Variants in ASTN2 observed in about 807,000 individuals in gnomAD.
ASTN2 encodes the protein astrotactin 2, also known as astrotactin-2.
In ASTN2, 54 loss-of-function variants were observed where a neutral mutation model predicts 139.8. That is an observed-to-expected ratio of 0.39 (90% CI 0.31 to 0.48). The LOEUF (loss-of-function observed/expected upper bound fraction) is 0.48, where lower values mean the gene tolerates loss of function less well. Ranked by LOEUF, ASTN2 falls within the 20% of genes least tolerant of loss-of-function variation. The probability of loss-of-function intolerance (pLI) is 0.95; values close to 1 mark genes in which losing one functional copy is unlikely to be tolerated. For missense variants in ASTN2, 1,565 were observed against 1,725.1 expected (o/e 0.91, Z 1.64); for synonymous variants, 756 against 719.5 (o/e 1.05, Z -0.81).
chr9:117,140,081 G>A (rs903624982), intron 4 of ASTN2, among the ~76,000 whole-genome samples: 4 of 152,192 alleles, frequency 2.6e-5, no homozygotes, highest in Admixed American at 2.6e-4. Flanking sequence ...CACTGTACCT[G>A]CTTCATAGGG....
chr9:116,795,244 C>G (rs934996319), intron 13 of ASTN2, among the ~76,000 whole-genome samples: 5 of 152,204 alleles, frequency 3.3e-5, no homozygotes. Context: ...TCCCAAAGTG[C>G]TGGGATTACA....
chr9:116,989,810 C>T (rs1836796648), intron 7 of ASTN2, among the ~76,000 whole-genome samples: 1 of 152,096 alleles, frequency 6.6e-6, no homozygotes, highest in Non-Finnish European at 1.5e-5. Context: ...TCTCAAACAC[C>T]TGACCTCAGG....
chr9:117,114,180 A>ATTT (rs1829321473), intron 4 of ASTN2, among the ~76,000 whole-genome samples: 1 of 149,892 alleles, frequency 6.7e-6, no homozygotes, highest in Non-Finnish European at 1.5e-5. Context: ...TTTTTTTTTA[A>ATTT]AAAAAAAGTC....
intron 1 of ASTN2, among the ~76,000 whole-genome samples, chr9:117,392,093 A>G (rs889117260): frequency 3.9e-5 from 6 of 152,164 alleles, no homozygotes; most frequent in Non-Finnish European, 7.3e-5. Context: ...TTTGATGTAC[A>G]TGTTTATAAA....
intron 11 of ASTN2, among the ~76,000 whole-genome samples, chr9:116,827,926 GAA>G (rs879474297): frequency 0.12 from 7,828 of 66,000 alleles, 623 homozygotes; most frequent in Middle Eastern, 0.3. Flanking sequence ...ACCATACAAG[GAA>G]ATAACAACAA....
chr9:117,012,371 G>T (rs1204237344), intron 6 of ASTN2, among the ~76,000 whole-genome samples: 1 of 152,154 alleles, frequency 6.6e-6, no homozygotes, highest in African/African-American at 2.4e-5. Context: ...AGTGACAAGG[G>T]TCAAGGGAGG....
chr9:116,842,458 A>G (rs758759475), intron 11 of ASTN2, among the ~76,000 whole-genome samples: 8 of 152,006 alleles, frequency 5.3e-5, no homozygotes, highest in Non-Finnish European at 1.0e-4. Flanking sequence ...TTGATAAGAA[A>G]CTGAGTGGGC....
chr9:117,271,712 G>A (rs1834069764), intron 2 of ASTN2, among the ~76,000 whole-genome samples: 1 of 152,184 alleles, frequency 6.6e-6, no homozygotes, highest in Admixed American at 6.5e-5. Flanking sequence ...CAGGGCCTAT[G>A]CAAGTCTGAA....
intron 1 of ASTN2, among the ~76,000 whole-genome samples, chr9:117,334,807 A>C (rs1828826973): frequency 6.6e-6 from 1 of 152,192 alleles, no homozygotes; most frequent in Admixed American, 6.5e-5. Flanking sequence ...TAATCCTAGC[A>C]CTTTGGGAGG....
intron 4 of ASTN2, among the ~76,000 whole-genome samples, chr9:117,119,346 G>A (rs767134238): frequency 9.9e-5 from 15 of 152,178 alleles, no homozygotes; most frequent in Non-Finnish European, 1.5e-4. Flanking sequence ...TTTCCCAATT[G>A]CTTCTGAGTT....
chr9:117,138,794 G>C (rs1303000927), intron 4 of ASTN2, among the ~76,000 whole-genome samples: 1 of 152,136 alleles, frequency 6.6e-6, no homozygotes, highest in Non-Finnish European at 1.5e-5. Flanking sequence ...ACTTAAAACA[G>C]ACTTTTATTA....
intron 1 of ASTN2, among the ~76,000 whole-genome samples, chr9:117,306,491 G>A (rs961824615): frequency 5.9e-5 from 9 of 152,120 alleles, no homozygotes; most frequent in South Asian, 2.1e-4. Flanking sequence ...TGTTTCACCC[G>A]GGGAACGCAC....
At position 116,890,666 on chromosome 9, in the gene ASTN2, G is replaced by A. The variant is rs571257330; in HGVS notation, c.1890-26933C>T. 3.3e-5 allele frequency among the ~76,000 whole-genome samples: 5 copies of A among 152,288 alleles called. No homozygotes were observed. In the South Asian group the frequency reaches 1.0e-3, roughly 32 times the overall value. ...GTTTTCTTGTTTGAAAGATGAAAAT[G>A]TATTCATGGCACTGCTGATAAGGTC... is the stretch of plus-strand genomic sequence containing the variant. On this transcript the variant is annotated intron_variant, in intron 10 of 22. Transcript: ENST00000313400.
At chr9:116,970,556 C>A (rs542046876) in intron 10 of ASTN2, among the ~76,000 whole-genome samples, 3 of 152,102 alleles carry the variant, frequency 2.0e-5, no homozygotes, top group Non-Finnish European at 4.4e-5. Context: ...AATTTTGACT[C>A]ATTTAAAGCA....
intron 20 of ASTN2, among the ~76,000 whole-genome samples, chr9:116,445,737 A>C (rs1323028957): frequency 6.6e-6 from 1 of 152,230 alleles, no homozygotes; most frequent in African/African-American, 2.4e-5. Context: ...AAATAGGGTG[A>C]AATTATCCAT....
At chr9:116,691,194 A>G (rs1382345829) in intron 16 of ASTN2, among the ~76,000 whole-genome samples, 1 of 152,070 alleles carries the variant, frequency 6.6e-6, no homozygotes, top group Non-Finnish European at 1.5e-5. Context: ...TTCTCATCCC[A>G]TTTTGTATAT....
intron 12 of ASTN2, among the ~76,000 whole-genome samples, chr9:116,813,623 C>T (rs1831224513): frequency 6.6e-6 from 1 of 152,166 alleles, no homozygotes; most frequent in Non-Finnish European, 1.5e-5. Context: ...TTCTTTTTCT[C>T]ATGTATTTTT....
chr9:116,579,170 C>A lies in ASTN2; in HGVS notation c.3355+39154G>T, dbSNP rs376255126. ...TCTCAACATTTGTAGGAGGGTGGTA[C>A]TTATATCTCTATTTTACAAATGGGG... is the stretch of plus-strand genomic sequence containing the variant. On this transcript the variant is annotated intron_variant, in intron 19 of 22. Coordinates refer to ENST00000313400, the MANE Select transcript of ASTN2 (RefSeq NM_001365068.1). 17 of 152,216 alleles carry A rather than the reference C, an allele frequency of 1.1e-4. 1 individual carries two copies. The South Asian group carries it at 3.3e-3, about 30-fold the overall frequency. 9.4% of individuals were successfully genotyped at this position (152,216 alleles called of 1,614,324 possible). A position where few individuals can be genotyped will look rare whatever the true frequency, so the allele number is the denominator to read the frequency against.
chr9:117,065,241 C>T (rs530105950), intron 5 of ASTN2, among the ~76,000 whole-genome samples: 9 of 152,250 alleles, frequency 5.9e-5, no homozygotes, highest in African/African-American at 2.2e-4. Context: ...TTTTGGAATT[C>T]TGGCCTCAAA....
Sources: allele counts gnomAD v4.1 joint callset (sites outside exome capture counted in the v4.1 genomes callset), GRCh38; gene constraint gnomAD v4.1.1; transcripts MANE v1.5; gene names NCBI Gene and HGNC (gene_info 2026-07-23, HGNC 2026-07-21).